The following WFIKKN2 variants were observed in gnomAD, a reference collection of about 807,000 sequenced individuals.
WFIKKN2 encodes WAP, follistatin/kazal, immunoglobulin, kunitz and netrin domain containing 2.
Under a neutral mutation model 39.2 loss-of-function variants are expected in WFIKKN2, and 25 were observed. The ratio of observed to expected loss-of-function variants is 0.64; its 90% CI spans 0.47 to 0.89. WFIKKN2 has a LOEUF of 0.89. Among genes scored for constraint, WFIKKN2 ranks in the 40% least tolerant of loss-of-function variants. The probability of loss-of-function intolerance (pLI) is 0.00; values close to 1 mark genes in which losing one functional copy is unlikely to be tolerated. For missense variants in WFIKKN2, 770 were observed against 811.7 expected, an observed-to-expected ratio of 0.95 and a Z score of 0.62; for synonymous variants, 345 against 329.7, an observed-to-expected ratio of 1.05 and a Z score of -0.50.
In WFIKKN2 at chr17:50,835,724, T is replaced by G. The variant is rs184340982; in HGVS notation, c.-214T>G. The stretch of plus-strand genomic sequence containing the variant: ...ACACTCAGGAGAGGGAGCTTCCTTC[T>G]AAAGACCTTTCTTTTATCTGAAGCC... On this transcript the variant is annotated 5_prime_UTR_variant, in exon 1 of 2. Transcript: ENST00000311378. The G allele has an allele frequency of 7.5e-4, 441 of 591,432 alleles. No homozygotes were observed. The highest frequency in any genetic ancestry group is 5.1e-3 in the African/African-American group (275 of 53,760). The allele number at this position is 591,432 out of a possible 1,614,324, so 36.6% of individuals were successfully genotyped here. A position where few individuals can be genotyped will look rare whatever the true frequency, so the allele number is the denominator to read the frequency against.
Position 50,839,658 on chromosome 17 carries a change from G to C in WFIKKN2, c.370G>C (p.Asp124His). 1 of 1,614,272 alleles carries C rather than the reference G, an allele frequency of 6.2e-7. No homozygotes were observed. The highest frequency in any genetic ancestry group is 8.5e-7 in the Non-Finnish European group (1 of 1,180,050). The change falls in exon 2 of 2, where the codon GAC becomes CAC. Residue 124 changes from aspartate to histidine, a missense_variant. Transcript: ENST00000311378. ...GTGTCTGCAGCAGGGCTCTGAGTGTGACATCTGGGATGGCCAGCCCGTGTG... is the reference window on the plus strand; with the variant it reads ...GTGTCTGCAGCAGGGCTCTGAGTGTCACATCTGGGATGGCCAGCCCGTGTG... Reference protein sequence around the residue: ...FMCLQQGSECDIWDGQPVCKC... With the variant: ...FMCLQQGSECHIWDGQPVCKC...
Position 50,839,984 on chromosome 17 carries a change from TGTG to T in WFIKKN2, c.701_703del (p.Val234del), listed in dbSNP as rs1180356680. On this transcript the variant is annotated inframe_deletion, in exon 2 of 2. Coordinates refer to ENST00000311378, the MANE Select transcript of WFIKKN2 (RefSeq NM_175575.6). ...GTGAGACAGTGAGCTTCCTCTGTGA[TGTG>T]GTGGGCCGGCCCCGGCCTGAGATCA... The T allele has an allele frequency of 3.7e-6, 6 of 1,614,146 alleles. No individual in the cohort carries two copies. The highest frequency in any genetic ancestry group is 3.4e-6 in the Non-Finnish European group (4 of 1,179,972).
Position 50,840,369 on chromosome 17 carries a change from TG to T in WFIKKN2, c.1082del (p.Cys361SerfsTer19). 1 of 1,614,140 alleles carries T rather than the reference TG, an allele frequency of 6.2e-7. No individual in the cohort carries two copies. Among genetic ancestry groups the T allele is most frequent in the Admixed American group, 1.7e-5 (1 of 60,032 alleles). On this transcript the variant is annotated frameshift_variant, in exon 2 of 2. Transcript: ENST00000311378. LOFTEE classifies it high-confidence loss of function. ...CTGCCTGACCTTCACCTTCGGCCAC[TG>T]CCACCGTAACCTCAACCACTTTGAG... The part of the protein sequence containing the change: ...NNCLTFTFGH[C>X]HRNLNHFETY...
Position 50,840,302 on chromosome 17 carries a change from C to T in WFIKKN2, c.1014C>T (p.Gly338=), listed in dbSNP as rs201260988. 4.0e-5 allele frequency: 64 copies of T among 1,614,028 alleles called. No individual in the cohort carries two copies. Among genetic ancestry groups the T allele is most frequent in the Admixed American group, 6.7e-5 (4 of 60,026 alleles). ...CLKPPDSEDC[G]EEQTRWHFDA... is the part of the protein sequence containing the mutation. The stretch of plus-strand genomic sequence containing the variant: ...AGCCCCCAGACAGTGAGGACTGTGG[C>T]GAAGAGCAGACCCGCTGGCACTTCG... Residue 338 remains glycine, a synonymous_variant, in exon 2 of 2, where the codon GGC becomes GGT. Coordinates refer to ENST00000311378, the MANE Select transcript of WFIKKN2 (RefSeq NM_175575.6).
rs757085188 is a variant in WFIKKN2 at position 50,840,959 on chromosome 17, T to C, written c.1671T>C (p.Leu557=). 2 of 1,579,634 alleles carry C rather than the reference T, an allele frequency of 1.3e-6. No individual in the cohort carries two copies. Among genetic ancestry groups the C allele is most frequent in the Non-Finnish European group, 1.7e-6 (2 of 1,159,740 alleles). Residue 557 remains leucine (L), a synonymous_variant, in exon 2 of 2, where the codon CTT becomes CTC. Coordinates refer to ENST00000311378, the MANE Select transcript of WFIKKN2 (RefSeq NM_175575.6). ...CGAGTGCCCGCCGGGTCAGGAAGCT[T>C]CGTGAGGTCATGCACAAGAAGACCT... ...GASSARRVRK[L]REVMHKKTCD...
chr17:50,841,181 C>A lies in WFIKKN2; in HGVS notation c.*162C>A. The A allele has an allele frequency of 1.5e-6, 1 of 676,752 alleles. No homozygotes were observed. The highest frequency in any genetic ancestry group is 2.3e-6 in the Non-Finnish European group (1 of 428,958). 41.9% of individuals were successfully genotyped at this position (676,752 alleles called of 1,614,324 possible). A position where few individuals can be genotyped will look rare whatever the true frequency, so the allele number is the denominator to read the frequency against. ...GCCACAGAAGGTCTCAGATCAGCAT[C>A]TATTCTTTGGGTTCAATAAGGGGTT... is the stretch of plus-strand genomic sequence containing the variant. On this transcript the variant is annotated 3_prime_UTR_variant, in exon 2 of 2. Coordinates refer to ENST00000311378, the MANE Select transcript of WFIKKN2 (RefSeq NM_175575.6).
Position 50,840,929 on chromosome 17 carries a change from C to A in WFIKKN2, c.1641C>A (p.Gly547=). ...MAMLRPDSFV[G]ASSARRVRKL... ...TGCTGCGCCCCGATAGCTTTGTGGGCGCATCGAGTGCCCGCCGGGTCAGGA... is the reference window on the plus strand; with the variant it reads ...TGCTGCGCCCCGATAGCTTTGTGGGAGCATCGAGTGCCCGCCGGGTCAGGA... The change falls in exon 2 of 2, where the codon GGC becomes GGA. Residue 547 remains glycine (G), a synonymous_variant. Coordinates refer to ENST00000311378, the MANE Select transcript of WFIKKN2 (RefSeq NM_175575.6). 6.3e-7 allele frequency: 1 copy of A among 1,599,206 alleles called. No individual in the cohort carries two copies. The highest frequency in any genetic ancestry group is 8.6e-7 in the Non-Finnish European group (1 of 1,169,356).
rs1972052176 is a variant in WFIKKN2, at chr17:50,842,038, T to A, written c.*1019T>A. 6.6e-6 allele frequency: 1 copy of A among 151,184 alleles called. No homozygotes were observed. Among genetic ancestry groups the A allele is most frequent in the East Asian group, 2.0e-4 (1 of 5,042 alleles). 9.4% of individuals were successfully genotyped at this position (151,184 alleles called of 1,614,324 possible). ...GAGAAGGAAAAGGAACATTGCTCGATGCTCCCATCTGGTGGCGGCCTCAGG... is the reference window on the plus strand; with the variant it reads ...GAGAAGGAAAAGGAACATTGCTCGAAGCTCCCATCTGGTGGCGGCCTCAGG... On this transcript the variant is annotated 3_prime_UTR_variant, in exon 2 of 2. Transcript: ENST00000311378.
At position 50,838,828 on chromosome 17, in the gene WFIKKN2, C is replaced by A. The variant is rs78521895; in HGVS notation, c.211-671C>A. 3.3e-3 allele frequency among the ~76,000 whole-genome samples: 499 copies of A among 152,264 alleles called. 1 individual carries two copies. Among genetic ancestry groups the A allele is most frequent in the African/African-American group, 0.011 (462 of 41,550 alleles). ...GGGCCCTCTCACAGCCTCTGTTCCCCGTGTGTGTCGGTCTCCTTGAGGGGA... is the reference window on the plus strand; with the variant it reads ...GGGCCCTCTCACAGCCTCTGTTCCCAGTGTGTGTCGGTCTCCTTGAGGGGA... On this transcript the variant is annotated intron_variant, in intron 1 of 1. Transcript: ENST00000311378.
chr17:50,835,777 G>T lies in WFIKKN2; in HGVS notation c.-161G>T. The stretch of plus-strand genomic sequence containing the variant: ...ACAGCCCGGCAGGCTGTGCTGACTT[G>T]GTGGAGGCAGCAGCGGCAGAGCAGC... On this transcript the variant is annotated 5_prime_UTR_variant, in exon 1 of 2. Transcript: ENST00000311378. 3 of 728,692 alleles carry T rather than the reference G, an allele frequency of 4.1e-6. No individual in the cohort carries two copies. The highest frequency in any genetic ancestry group is 1.8e-5 in the African/African-American group (1 of 56,248). 45.1% of individuals were successfully genotyped at this position (728,692 alleles called of 1,614,324 possible).
chr17:50,839,579 A>T lies in WFIKKN2; in HGVS notation c.291A>T (p.Lys97Asn). Reference sequence around the variant, plus strand: ...TGGCGGCCCGCTACATGGACGTGAAAGGGAAGAAGGGCCCAGTGGGCATGC... The same window carrying T: ...TGGCGGCCCGCTACATGGACGTGAATGGGAAGAAGGGCCCAGTGGGCATGC... Reference protein sequence around the residue: ...SCVAARYMDVKGKKGPVGMPK... With the variant: ...SCVAARYMDVNGKKGPVGMPK... The change falls in exon 2 of 2, where the codon AAA (lysine) becomes AAT (asparagine). Residue 97 changes from lysine (K) to asparagine (N), a missense_variant. Physicochemically the swap from Lys to Asn is moderately conservative, Grantham distance 94 (BLOSUM62 0). Coordinates refer to ENST00000311378, the MANE Select transcript of WFIKKN2 (RefSeq NM_175575.6). 1 of 1,614,122 alleles carries T rather than the reference A, an allele frequency of 6.2e-7. No individual in the cohort carries two copies. Among genetic ancestry groups the T allele is most frequent in the Non-Finnish European group, 8.5e-7 (1 of 1,180,004 alleles).
chr17:50,841,076 G>A lies in WFIKKN2; in HGVS notation c.*57G>A. On this transcript the variant is annotated 3_prime_UTR_variant, in exon 2 of 2. Coordinates refer to ENST00000311378, the MANE Select transcript of WFIKKN2 (RefSeq NM_175575.6). ...CCTTCTTCCACCTATCCACCCCAAT[G>A]CCTCTCAGCAAACTGGGCGAGGTCA... 6.9e-7 allele frequency: 1 copy of A among 1,450,718 alleles called. No individual in the cohort carries two copies. The highest frequency in any genetic ancestry group is 9.1e-7 in the Non-Finnish European group (1 of 1,097,944). 89.9% of individuals were successfully genotyped at this position (1,450,718 alleles called of 1,614,324 possible).
rs778391622 is a variant in WFIKKN2, at chr17:50,841,040, C to G, written c.*21C>G. ...ACTGAAGCCCCCCACCCCTCCCTGC[C>G]CCCTCCCTGGCCTTCTTCCACCTAT... On this transcript the variant is annotated 3_prime_UTR_variant, in exon 2 of 2. Transcript: ENST00000311378. The G allele has an allele frequency of 2.0e-6, 3 of 1,516,056 alleles. No homozygotes were observed. Among genetic ancestry groups the G allele is most frequent in the Non-Finnish European group, 2.6e-6 (3 of 1,133,030 alleles). The allele number at this position is 1,516,056 out of a possible 1,614,324, so 93.9% of individuals were successfully genotyped here.
At chr17:50,836,173 T>C (rs748767870) in intron 1 of WFIKKN2, 26 bp downstream of exon 1, 1 of 1,591,966 alleles carries the variant, frequency 6.3e-7, no homozygotes, top group East Asian at 2.3e-5. Flanking sequence ...AGACCAGAGA[T>C]GGACCACGTG....
At position 50,836,043 on chromosome 17, in the gene WFIKKN2, C is replaced by A. The variant is rs776098786; in HGVS notation, c.106C>A (p.Pro36Thr). The part of the protein sequence containing the change: ...LGVPPRSLAL[P>T]PIRYSHAGIC... The stretch of plus-strand genomic sequence containing the variant: ...GGTGCCCCCGCGAAGCCTGGCGCTG[C>A]CGCCCATCCGCTATTCCCACGCCGG... Residue 36 changes from proline to threonine, a missense_variant, in exon 1 of 2, where the codon CCG becomes ACG. By Grantham distance (38) the Pro-to-Thr change is conservative. Coordinates refer to ENST00000311378, the MANE Select transcript of WFIKKN2 (RefSeq NM_175575.6). The A allele has an allele frequency of 1.2e-6, 2 of 1,601,916 alleles. No homozygotes were observed. Among genetic ancestry groups the A allele is most frequent in the South Asian group, 1.1e-5 (1 of 89,432 alleles).
Position 50,840,789 on chromosome 17 carries a change from C to G in WFIKKN2, c.1501C>G (p.Gln501Glu), listed in dbSNP as rs1459331103. The change falls in exon 2 of 2, where the codon CAG (glutamine) becomes GAG (glutamate). Residue 501 changes from glutamine to glutamate, a missense_variant. By Grantham distance (29) the Gln-to-Glu change is conservative. Transcript: ENST00000311378. Reference sequence around the variant, plus strand: ...GAAAATGGGCCTCAAGTTCCTGGGCCAGGAGCCATTGGAGGTCACTCTGCT... The same window carrying G: ...GAAAATGGGCCTCAAGTTCCTGGGCGAGGAGCCATTGGAGGTCACTCTGCT... ...DEKMGLKFLG[Q>E]EPLEVTLLHV... is the part of the protein sequence containing the mutation. The G allele has an allele frequency of 1.9e-6, 3 of 1,613,962 alleles. No individual in the cohort carries two copies. The African/African-American group carries it at 4.0e-5, about 22-fold the overall frequency.
intron 1 of WFIKKN2, among the ~76,000 whole-genome samples, chr17:50,836,467 G>A (rs1362686342): frequency 6.6e-6 from 1 of 151,554 alleles, no homozygotes; most frequent in Non-Finnish European, 1.5e-5. Flanking sequence ...AGAAGCCGGT[G>A]TGTGAGGCGG....
Position 50,839,619 on chromosome 17 carries a change from T to C in WFIKKN2, c.331T>C (p.Cys111Arg), listed in dbSNP as rs1489452695. ...AGTGGGCATGCCCAAGGAGGCCACA[T>C]GTGACCACTTCATGTGTCTGCAGCA... ...GPVGMPKEAT[C>R]DHFMCLQQGS... The change falls in exon 2 of 2, where the codon TGT becomes CGT. Residue 111 changes from cysteine (C) to arginine (R), a missense_variant. Cys to Arg is a radical substitution (Grantham distance 180, BLOSUM62 -3). Transcript: ENST00000311378. 5 of 1,614,192 alleles carry C rather than the reference T, an allele frequency of 3.1e-6. No homozygotes were observed. Among genetic ancestry groups the C allele is most frequent in the Non-Finnish European group, 4.2e-6 (5 of 1,180,018 alleles).
chr17:50,835,968 T>C lies in WFIKKN2; in HGVS notation c.31T>C (p.Ser11Pro). Residue 11 changes from serine to proline, a missense_variant, in exon 1 of 2, where the codon TCT (serine) becomes CCT (proline). Transcript: ENST00000311378. MWAPRCRRFWSRWEQVAALLL... is the reference protein window; with the variant it reads MWAPRCRRFWPRWEQVAALLL... ...GGCCCCAAGGTGTCGCCGGTTCTGG[T>C]CTCGCTGGGAGCAGGTGGCAGCGCT... 6.2e-7 allele frequency: 1 copy of C among 1,610,442 alleles called. No individual in the cohort carries two copies. Among genetic ancestry groups the C allele is most frequent in the Non-Finnish European group, 8.5e-7 (1 of 1,178,716 alleles).
Sources: gnomAD v4.1 joint callset for allele counts (sites outside exome capture counted in the v4.1 genomes callset) on GRCh38, gnomAD v4.1.1 for gene constraint, MANE v1.5 for transcripts, NCBI Gene and HGNC (gene_info 2026-07-23, HGNC 2026-07-21) for gene names.